Variants in NCK1 observed in about 807,000 individuals in gnomAD.
The protein encoded by NCK1 is SH2/SH3 adapter protein NCK1.
NCK1 carries 19 observed loss-of-function variants against 36.6 expected under a neutral mutation model. The observed-to-expected ratio is 0.52, with a 90% CI of 0.36 to 0.76. The LOEUF is 0.76. Among genes scored for constraint, NCK1 ranks in the 30% least tolerant of loss-of-function variants. The pLI is 0.00. For synonymous variants in NCK1, 165 were observed against 156.0 expected (o/e 1.06, Z -0.43); for missense variants, 358 against 445.6 (o/e 0.80, Z 1.77).
chr3:136,865,330 C>T (rs1350896283), intron 1 of NCK1, among the ~76,000 whole-genome samples: 1 of 152,152 alleles, frequency 6.6e-6, no homozygotes, highest in Non-Finnish European at 1.5e-5. Flanking sequence ...AGCAATCTGC[C>T]CACCTCCGCC....
chr3:136,893,190 A>G (rs1490933400), intron 1 of NCK1, among the ~76,000 whole-genome samples: 1 of 123,270 alleles, frequency 8.1e-6, no homozygotes, highest in African/African-American at 3.2e-5. Flanking sequence ...ATATATATAT[A>G]TACACACATG....
At chr3:136,906,833 A>G (rs1218180734) in intron 1 of NCK1, among the ~76,000 whole-genome samples, 2 of 152,030 alleles carry the variant, frequency 1.3e-5, no homozygotes, top group East Asian at 3.9e-4. Context: ...AGACCCTGGG[A>G]GGAGTGCTTA....
intron 1 of NCK1, among the ~76,000 whole-genome samples, chr3:136,866,749 G>C (rs1938425733): frequency 6.6e-6 from 1 of 151,906 alleles, no homozygotes; most frequent in African/African-American, 2.4e-5. Context: ...GAGTAGCTAG[G>C]ATTACAGGTG....
rs1256394288 is a variant in NCK1, at chr3:136,948,397, C to T, written c.1078C>T (p.Pro360Ser). ...ACTTGTAGAACATTACAAAAAGGCA[C>T]CAATTTTTACAAGTGAACAAGGAGA... Reference protein sequence around the residue: ...EELVEHYKKAPIFTSEQGEKL... With the variant: ...EELVEHYKKASIFTSEQGEKL... Residue 360 changes from proline (P) to serine (S), a missense_variant, in exon 4 of 4, where the codon CCA becomes TCA. By Grantham distance (74) the Pro-to-Ser change is moderately conservative (BLOSUM62 -1). Transcript: ENST00000481752. The T allele has an allele frequency of 6.2e-7, 1 of 1,612,860 alleles. No homozygotes were observed. Among genetic ancestry groups the T allele is most frequent in the East Asian group, 2.2e-5 (1 of 44,812 alleles).
chr3:136,872,211 C>A, intron 1 of NCK1, among the ~76,000 whole-genome samples: 1 of 152,126 alleles, frequency 6.6e-6, no homozygotes, highest in East Asian at 1.9e-4. Flanking sequence ...ATGCTGATTG[C>A]GATATGGACC....
intron 1 of NCK1, among the ~76,000 whole-genome samples, chr3:136,878,928 A>G (rs1938852753): frequency 6.6e-6 from 1 of 152,172 alleles, no homozygotes; most frequent in Admixed American, 6.6e-5. Context: ...TTTGGCTTCC[A>G]GAATTCTGGC....
At chr3:136,862,794 G>A (rs1340963115) in intron 1 of NCK1, among the ~76,000 whole-genome samples, 1 of 152,220 alleles carries the variant, frequency 6.6e-6, no homozygotes, top group Non-Finnish European at 1.5e-5. Context: ...CCTCCAGCCC[G>A]AGAGGAGGGG....
At chr3:136,945,484 A>G in intron 2 of NCK1, 99 bp from the exon 3 acceptor site, 1 of 837,968 alleles carries the variant, frequency 1.2e-6, no homozygotes, top group African/African-American at 1.7e-5. Context: ...TTAAAGATCT[A>G]TATAGAGTTG....
intron 2 of NCK1, among the ~76,000 whole-genome samples, chr3:136,941,572 T>C (rs1940678172): frequency 6.6e-6 from 1 of 152,246 alleles, no homozygotes; most frequent in Admixed American, 6.5e-5. Flanking sequence ...TTCAGTACTA[T>C]GCATAACTCT....
At chr3:136,875,848 A>G (rs1938751366) in intron 1 of NCK1, among the ~76,000 whole-genome samples, 3 of 151,012 alleles carry the variant, frequency 2.0e-5, no homozygotes, top group Admixed American at 1.3e-4. Context: ...AACAGAATAT[A>G]CATTTTTTTC....
chr3:136,908,831 A>C (rs1044725969), intron 1 of NCK1, among the ~76,000 whole-genome samples: 1 of 152,234 alleles, frequency 6.6e-6, no homozygotes, highest in Non-Finnish European at 1.5e-5. Flanking sequence ...TTTCAGATTC[A>C]GTGGGATATA....
At position 136,881,618 on chromosome 3, in the gene NCK1, C is replaced by A. The variant is rs1410653724; in HGVS notation, c.-19+19265C>A. On this transcript the variant is annotated intron_variant, in intron 1 of 3. Coordinates refer to ENST00000481752, the MANE Select transcript of NCK1 (RefSeq NM_001291999.2). ...AAGTATATTCACATTGTTGTACAACCAGTCCCCAGAACTTTTTCATCTTGT... is the reference window on the plus strand; with the variant it reads ...AAGTATATTCACATTGTTGTACAACAAGTCCCCAGAACTTTTTCATCTTGT... 2.0e-5 allele frequency among the ~76,000 whole-genome samples: 3 copies of A among 152,184 alleles called. No homozygotes were observed. The East Asian group carries it at 5.8e-4, about 29-fold the overall frequency.
chr3:136,878,206 T>A (rs1938828163), intron 1 of NCK1, among the ~76,000 whole-genome samples: 1 of 152,088 alleles, frequency 6.6e-6, no homozygotes, highest in African/African-American at 2.4e-5. Flanking sequence ...GTCAGGAGTT[T>A]GAGACCAGCC....
intron 2 of NCK1, among the ~76,000 whole-genome samples, chr3:136,929,515 A>G (rs1037112180): frequency 2.0e-5 from 3 of 152,342 alleles, no homozygotes; most frequent in African/African-American, 7.2e-5. Context: ...TAGTTTTTCA[A>G]TGGAAGACAA....
chr3:136,945,866 C>T lies in NCK1; in HGVS notation c.510C>T (p.Asp170=), dbSNP rs145340736. The T allele has an allele frequency of 5.0e-6, 8 of 1,613,892 alleles. No homozygotes were observed. The highest frequency in any genetic ancestry group is 1.3e-5 in the African/African-American group (1 of 74,874). Residue 170 remains aspartate (D), a synonymous_variant, in exon 3 of 4, where the codon GAC becomes GAT. Coordinates refer to ENST00000481752, the MANE Select transcript of NCK1 (RefSeq NM_001291999.2). The part of the protein sequence containing the change: ...VTEEGDSPLG[D]HVGSLSEKLA... The stretch of plus-strand genomic sequence containing the variant: ...AAGAAGGTGACAGTCCTTTGGGTGA[C>T]CATGTGGGTTCTCTGTCAGAGAAAT...
intron 1 of NCK1, among the ~76,000 whole-genome samples, chr3:136,919,976 T>C (rs1298162936): frequency 5.3e-5 from 8 of 152,120 alleles, no homozygotes. Context: ...GGAAGTTTGG[T>C]TGGGGTACAG....
At chr3:136,879,037 A>G (rs996815542) in intron 1 of NCK1, among the ~76,000 whole-genome samples, 24 of 152,140 alleles carry the variant, frequency 1.6e-4, no homozygotes, top group Non-Finnish European at 2.8e-4. Context: ...AAATATGAGA[A>G]GATAATCAAG....
Position 136,946,300 on chromosome 3 carries a change from G to C in NCK1, c.939+5G>C. Reference sequence around the variant, plus strand: ...ATTCGTGATAGTGAATCTTCGGTAAGTTGATTTTCGGAGGTAAATACAAAT... The same window carrying C: ...ATTCGTGATAGTGAATCTTCGGTAACTTGATTTTCGGAGGTAAATACAAAT... On this transcript the variant is annotated splice_donor_5th_base_variant and intron_variant, in intron 3 of 3. Coordinates refer to ENST00000481752, the MANE Select transcript of NCK1 (RefSeq NM_001291999.2). 6.3e-7 allele frequency: 1 copy of C among 1,596,208 alleles called. No homozygotes were observed. Among genetic ancestry groups the C allele is most frequent in the Non-Finnish European group, 8.6e-7 (1 of 1,167,858 alleles).
At chr3:136,882,590 T>TG (rs773120335) in intron 1 of NCK1, among the ~76,000 whole-genome samples, 5 of 145,698 alleles carry the variant, frequency 3.4e-5, no homozygotes, top group African/African-American at 1.0e-4. Context: ...TGTGTGTGTG[T>TG]TGAGGGGCAC....
Sources: gnomAD v4.1 joint callset for allele counts (sites outside exome capture counted in the v4.1 genomes callset) on GRCh38, gnomAD v4.1.1 for gene constraint, MANE v1.5 for transcripts, NCBI Gene and HGNC (gene_info 2026-07-23, HGNC 2026-07-21) for gene names.